The following PLEC variants were observed in gnomAD, a reference collection of about 807,000 sequenced individuals.
PLEC encodes hemidesmosomal protein 1.
A neutral mutation model predicts 392.8 loss-of-function variants in PLEC; 216 were observed. That is an observed-to-expected ratio of 0.55 (90% CI 0.49 to 0.62). The LOEUF is 0.62. PLEC is among the 20% of genes least tolerant of loss of function. The pLI is 0.00. For synonymous variants in PLEC, 3,621 were observed against 2,980.6 expected (o/e 1.21, Z -7.00); for missense variants, 6,863 against 6,563.4 (o/e 1.05, Z -1.58).
rs371257873 is a variant in PLEC, at chr8:143,939,338, G to A, written c.112+12C>T. 3 of 1,608,390 alleles carry A rather than the reference G, an allele frequency of 1.9e-6. No individual in the cohort carries two copies. Among genetic ancestry groups the A allele is most frequent in the African/African-American group, 1.3e-5 (1 of 75,004 alleles). ...CCTGCCTGGCGGGGGTGCCCGAGGG[G>A]AGCCCTGCTACCTTTCTTGCCCTCA... On this transcript the variant is annotated intron_variant, in intron 1 of 31. Transcript: ENST00000345136.
Position 143,916,310 on chromosome 8 carries a change from C to T in PLEC, c.13511G>A (p.Gly4504Asp), listed in dbSNP as rs1554668587. 2 of 1,581,236 alleles carry T rather than the reference C, an allele frequency of 1.3e-6. No individual in the cohort carries two copies. The highest frequency in any genetic ancestry group is 1.7e-6 in the Non-Finnish European group (2 of 1,165,900). The change falls in exon 32 of 32, where the codon GGC becomes GAC. Residue 4504 changes from glycine (G) to aspartate (D), a missense_variant. Gly to Asp is a moderately conservative substitution (Grantham distance 94). Coordinates refer to ENST00000345136, the MANE Select transcript of PLEC (RefSeq NM_201384.3). ...GCCGGAGCCGGTGGCGTCAAAGCTGCCGCGGCGGGAGCCGGCCCGGGAGCC... is the reference window on the plus strand; with the variant it reads ...GCCGGAGCCGGTGGCGTCAAAGCTGTCGCGGCGGGAGCCGGCCCGGGAGCC... ...RTGSRAGSRR[G>D]SFDATGSGFS...
Position 143,923,936 on chromosome 8 carries a change from T to G in PLEC, c.5993A>C (p.Glu1998Ala), listed in dbSNP as rs782286124. Residue 1998 changes from glutamate to alanine, a missense_variant, in exon 31 of 32, where the codon GAG becomes GCG. Glu to Ala is a moderately radical substitution (Grantham distance 107). Transcript: ENST00000345136. ...CGCCTTCCGCTGCCGTGCGGCCTCC[T>G]CCTCGGCCGCCAGGCTCTTCTGCAC... ...ERVQKSLAAE[E>A]EAARQRKAAL... 10 of 1,593,898 alleles carry G rather than the reference T, an allele frequency of 6.3e-6. No homozygotes were observed. The highest frequency in any genetic ancestry group is 8.5e-6 in the Non-Finnish European group (10 of 1,177,740).
chr8:143,921,331 G>C lies in PLEC; in HGVS notation c.8490C>G (p.Tyr2830Ter). ...HSHRVPVDVA[Y>*]RRGYFDEEMN... ...TCTCCTCGTCGAAGTAGCCGCGCCG[G>C]TAGGCCACGTCCACGGGCACGCGGT... Residue 2830 changes from tyrosine (Y) to a stop codon, truncating the protein, a stop_gained, in exon 32 of 32, where the codon TAC (tyrosine) becomes TAG (stop). Transcript: ENST00000345136. LOFTEE classifies it low-confidence loss of function (END_TRUNC). 1 of 1,613,858 alleles carries C rather than the reference G, an allele frequency of 6.2e-7. No homozygotes were observed. Among genetic ancestry groups the C allele is most frequent in the Non-Finnish European group, 8.5e-7 (1 of 1,180,010 alleles).
chr8:143,939,766 G>A (rs1257069369), upstream of PLEC, among the ~76,000 whole-genome samples: 1 of 152,178 alleles, frequency 6.6e-6, no homozygotes, highest in Non-Finnish European at 1.5e-5. Context: ...CAGGAAACCG[G>A]GGTTTCCTCA....
At chr8:143,947,142 C>A (rs1831589905) in intron 1 of PLEC, among the ~76,000 whole-genome samples, 1 of 152,250 alleles carries the variant, frequency 6.6e-6, no homozygotes, top group Non-Finnish European at 1.5e-5. Context: ...ACCTAGAGCA[C>A]CCTGTGGCTG....
chr8:143,976,548 G>C (rs1231722269), upstream of PLEC, among the ~76,000 whole-genome samples: 3 of 152,126 alleles, frequency 2.0e-5, no homozygotes, highest in East Asian at 3.9e-4. Flanking sequence ...AGTCTCGGGC[G>C]TGCAGGGAGG....
At chr8:143,931,489 C>T (rs1827225589) in intron 19 of PLEC, 45 bp downstream of exon 19, 2 of 1,556,690 alleles carry the variant, frequency 1.3e-6, no homozygotes, top group Non-Finnish European at 8.7e-7. Flanking sequence ...GCCCAGACTC[C>T]AGGCCAGCCC....
rs73377218 is a variant in PLEC, at chr8:143,935,718, G to A, written c.602+130C>T. On this transcript the variant is annotated intron_variant, in intron 6 of 31. Transcript: ENST00000345136. The stretch of plus-strand genomic sequence containing the variant: ...GCTGGGCCCTGAACTCCACCACCCC[G>A]AGGCGGCCAGCTGGCACTCATCCCT... 8,945 of 986,818 alleles carry A rather than the reference G, an allele frequency of 9.1e-3. 522 individuals are homozygous for A. The African/African-American group carries it at 0.12, about 14-fold the overall frequency. The allele number at this position is 986,818 out of a possible 1,614,324, so 61.1% of individuals were successfully genotyped here.
chr8:143,967,833 A>G (rs11786739), intron 1 of PLEC, among the ~76,000 whole-genome samples: 5,518 of 152,198 alleles, frequency 0.036, 125 homozygotes, highest in Middle Eastern at 0.068. Context: ...CAGCTTAATT[A>G]ATAATCAAAG....
At chr8:143,950,804 T>C (rs1587362532) in exon 1 of PLEC, 1 of 1,511,416 alleles carries the variant, frequency 6.6e-7, no homozygotes, top group East Asian at 2.5e-5. Context: ...CGCTACAGGG[T>C]GTGACAGCGG....
At chr8:143,955,094 C>A (rs553352710), upstream of PLEC, among the ~76,000 whole-genome samples, 1 of 152,278 alleles carries the variant, frequency 6.6e-6, no homozygotes, top group South Asian at 2.1e-4. Flanking sequence ...CCGTCCCTGC[C>A]CTCCCTGGGA....
Position 143,921,574 on chromosome 8 carries a change from G to T in PLEC, c.8247C>A (p.Thr2749=). 1 of 1,612,324 alleles carries T rather than the reference G, an allele frequency of 6.2e-7. No individual in the cohort carries two copies. Among genetic ancestry groups the T allele is most frequent in the Non-Finnish European group, 8.5e-7 (1 of 1,179,446 alleles). Residue 2749 remains threonine (T), a synonymous_variant, in exon 32 of 32, where the codon ACC becomes ACA. Transcript: ENST00000345136. ...CACCCTCCTTCACAGCCTCGTTGAC[G>T]GTCAGCCGCCGGTTCCGCACAGGGT... ...LLDPVRNRRL[T]VNEAVKEGVV...
rs782431018 is a variant in PLEC, at chr8:143,919,959, G to A, written c.9862C>T (p.Leu3288Phe). Residue 3288 changes from leucine to phenylalanine, a missense_variant, in exon 32 of 32, where the codon CTC (leucine) becomes TTC (phenylalanine). By Grantham distance (22) the Leu-to-Phe change is conservative (BLOSUM62 0). Transcript: ENST00000345136. ...TCCACCTCCTCCACGATGGTAATGA[G>A]AATCTTGATGACCTTCTCCACGGTG... The part of the protein sequence containing the change: ...KVTVEKVIKI[L>F]ITIVEEVETL... 19 of 1,613,302 alleles carry A rather than the reference G, an allele frequency of 1.2e-5. No homozygotes were observed. The highest frequency in any genetic ancestry group is 1.6e-4 in the Middle Eastern group (1 of 6,084).
At position 143,973,418 on chromosome 8, in the gene PLEC, G is replaced by T; in HGVS notation, c.55C>A (p.Arg19Ser). ...GGGGCCGTACCTTTGTACTTCTCGC[G>T]CACCTCCTCGTAGGCCTGGATGAAG... Residue 19 changes from arginine to serine, a missense_variant, in exon 1 of 32, where the codon CGC (arginine) becomes AGC (serine). By Grantham distance (110) the Arg-to-Ser change is moderately radical. Coordinates refer to the PLEC transcript ENST00000356346. This position sits in a 1 kb window ranked among gnomAD's most constrained non-coding sequence, Gnocchi z 5.6. The T allele has an allele frequency of 6.4e-7, 1 of 1,553,146 alleles. No homozygotes were observed. The highest frequency in any genetic ancestry group is 8.7e-7 in the Non-Finnish European group (1 of 1,149,816).
At chr8:143,953,725 C>G, upstream of PLEC, 1 of 1,611,770 alleles carries the variant, frequency 6.2e-7, no homozygotes, top group South Asian at 1.1e-5. Flanking sequence ...CAGGACCGCA[C>G]CTTTGAGGGA....
chr8:143,923,215 C>T lies in PLEC; in HGVS notation c.6714G>A (p.Glu2238=), dbSNP rs781792870. 6.2e-7 allele frequency: 1 copy of T among 1,603,220 alleles called. No individual in the cohort carries two copies. The highest frequency in any genetic ancestry group is 1.1e-5 in the South Asian group (1 of 91,078). Residue 2238 remains glutamate, a synonymous_variant, in exon 31 of 32, where the codon GAG becomes GAA. Coordinates refer to ENST00000345136, the MANE Select transcript of PLEC (RefSeq NM_201384.3). The part of the protein sequence containing the change: ...EELFSVRVQM[E]ELSKLKARIE... ...TGCGTGCCTTGAGCTTGCTCAGCTC[C>T]TCCATCTGCACGCGCACCGAGAAGA...
chr8:143,939,436 G>A lies in PLEC; in HGVS notation c.26C>T (p.Pro9Leu), dbSNP rs200455732. 1.7e-4 allele frequency: 267 copies of A among 1,612,180 alleles called. No homozygotes were observed. The highest frequency in any genetic ancestry group is 8.3e-4 in the South Asian group (75 of 90,872). The change falls in exon 1 of 32, where the codon CCG (proline) becomes CTG (leucine). Residue 9 changes from proline to leucine, a missense_variant. Physicochemically the swap from Pro to Leu is moderately conservative, Grantham distance 98. Transcript: ENST00000345136. ...CTTTCGGCCCAGGCCCTCGGGCTGCGGCACGCGGAGCTGGTGCTGAGACAT... is the reference window on the plus strand; with the variant it reads ...CTTTCGGCCCAGGCCCTCGGGCTGCAGCACGCGGAGCTGGTGCTGAGACAT... MSQHQLRV[P>L]QPEGLGRKRT... is the part of the protein sequence containing the mutation.
Position 143,927,836 on chromosome 8 carries a change from C to T in PLEC, c.3399+18G>A, listed in dbSNP as rs1825788554. ...TGTACCCCCACCCCGCCATGAAGCC[C>T]AAGCCTCGAAACGATACCTTCAGAG... On this transcript the variant is annotated intron_variant, in intron 26 of 31. Transcript: ENST00000345136. 2.5e-6 allele frequency: 4 copies of T among 1,591,168 alleles called. No homozygotes were observed. The highest frequency in any genetic ancestry group is 1.8e-5 in the Admixed American group (1 of 56,388).
In PLEC at chr8:143,920,459, T is replaced by C. The variant is rs782499817; in HGVS notation, c.9362A>G (p.Lys3121Arg). 4 of 1,602,460 alleles carry C rather than the reference T, an allele frequency of 2.5e-6. No homozygotes were observed. In the Admixed American group the frequency reaches 6.7e-5, roughly 27 times the overall value. The change falls in exon 32 of 32, where the codon AAG becomes AGG. Residue 3121 changes from lysine to arginine, a missense_variant. By Grantham distance (26) the Lys-to-Arg change is conservative. Transcript: ENST00000345136. ...CTGCTCCCGGGGAATGAGGCCCTTCTTCAGGGCCTGGAACAGGGAGACGCT... is the reference window on the plus strand; with the variant it reads ...CTGCTCCCGGGGAATGAGGCCCTTCCTCAGGGCCTGGAACAGGGAGACGCT... ...GQSVSLFQALKKGLIPREQGL... is the reference protein window; with the variant it reads ...GQSVSLFQALRKGLIPREQGL...
Sources: gnomAD v4.1 joint callset for allele counts (sites outside exome capture counted in the v4.1 genomes callset) on GRCh38, gnomAD v4.1.1 for gene constraint, Gnocchi (gnomAD v3.1) non-coding constraint, MANE v1.5 for transcripts, NCBI Gene and HGNC (gene_info 2026-07-23, HGNC 2026-07-21) for gene names.